The following CCM2 variants were observed in gnomAD, a reference collection of about 807,000 sequenced individuals.
CCM2 encodes the protein CCM2 scaffold protein.
In CCM2, 25 loss-of-function variants were observed where a neutral mutation model predicts 44.9. The observed-to-expected ratio is 0.56, with a 90% CI of 0.41 to 0.78. CCM2 has a LOEUF of 0.78. Ranked by LOEUF, CCM2 falls within the 30% of genes least tolerant of loss-of-function variation. The pLI is 0.00. For missense variants in CCM2, 481 were observed against 580.6 expected (o/e 0.83, Z 1.76); for synonymous variants, 219 against 241.1 (o/e 0.91, Z 0.85).
At chr7:45,068,706 A>G (rs945166100) in intron 5 of CCM2, 127 bp downstream of exon 5, 4 of 1,226,038 alleles carry the variant, frequency 3.3e-6, no homozygotes, top group Non-Finnish European at 3.5e-6. Context: ...TTCCTCTGCC[A>G]TTGCCTGTCC....
intron 2 of CCM2, among the ~76,000 whole-genome samples, chr7:45,051,929 T>C (rs1024747690): frequency 6.6e-6 from 1 of 152,192 alleles, no homozygotes; most frequent in Non-Finnish European, 1.5e-5. Context: ...ATGGTCTTGA[T>C]CTCCTGACCT....
chr7:45,023,787 G>GTTTTTT (rs10596429), intron 1 of CCM2, among the ~76,000 whole-genome samples: 31 of 58,634 alleles, frequency 5.3e-4, no homozygotes, highest in Non-Finnish European at 6.5e-4. Flanking sequence ...CTCTGTATCA[G>GTTTTTT]TTTTTTTTTT....
intron 1 of CCM2, among the ~76,000 whole-genome samples, chr7:45,020,254 C>G (rs1202732136): frequency 1.3e-5 from 2 of 152,096 alleles, no homozygotes; most frequent in Non-Finnish European, 2.9e-5. Flanking sequence ...TCTCCAGTGT[C>G]TTTAGAAGAT....
intron 1 of CCM2, among the ~76,000 whole-genome samples, chr7:45,028,900 A>C (rs931819746): frequency 2.6e-5 from 4 of 152,200 alleles, no homozygotes; most frequent in Admixed American, 6.5e-5. Context: ...GTTCTTTGTC[A>C]TGGAGCTTGT....
At chr7:45,036,810 T>C (rs1797239959) in intron 1 of CCM2, among the ~76,000 whole-genome samples, 1 of 152,086 alleles carries the variant, frequency 6.6e-6, no homozygotes, top group Non-Finnish European at 1.5e-5. Context: ...TTATTGTATA[T>C]ATGTTTTGTT....
rs71565940 is a variant in CCM2, at chr7:45,042,265, C to CAAAAA, written c.204+3845_204+3849dup. Among the ~76,000 whole-genome samples the CAAAAA allele has an allele frequency of 7.8e-5, 8 of 102,412 alleles. 1 individual carries two copies. Among genetic ancestry groups the CAAAAA allele is most frequent in the Non-Finnish European group, 7.1e-5 (4 of 56,144 alleles). 67.2% of individuals were successfully genotyped at this position (102,412 alleles called of 152,430 possible). A position where few individuals can be genotyped will look rare whatever the true frequency, so the allele number is the denominator to read the frequency against. ...TGGGTAACAGAGCGAGATTCCATCT[C>CAAAAA]AAAAAAAAAAGGTGCCGTTCCCTTC... is the stretch of plus-strand genomic sequence containing the variant. On this transcript the variant is annotated intron_variant, in intron 2 of 9. Transcript: ENST00000258781.
chr7:45,033,044 C>CAAAAAAAAAA (rs60956411), intron 1 of CCM2, among the ~76,000 whole-genome samples: 1 of 58,082 alleles, frequency 1.7e-5, no homozygotes, highest in African/African-American at 6.9e-5. Context: ...AACTCCGTCT[C>CAAAAAAAAAA]AAAAAAAAAA....
chr7:45,008,752 C>G (rs1011317679), intron 1 of CCM2, among the ~76,000 whole-genome samples: 1 of 152,158 alleles, frequency 6.6e-6, no homozygotes, highest in Admixed American at 6.5e-5. Context: ...TGAAAATGCC[C>G]TAGATATGAT....
chr7:45,050,505 A>G (rs1189293309), intron 2 of CCM2, among the ~76,000 whole-genome samples: 11 of 152,234 alleles, frequency 7.2e-5, no homozygotes, highest in Admixed American at 5.9e-4. Flanking sequence ...GGACAACTGT[A>G]CCTGTTTCTC....
At chr7:45,016,804 T>G (rs897620254) in intron 1 of CCM2, among the ~76,000 whole-genome samples, 2 of 152,194 alleles carry the variant, frequency 1.3e-5, no homozygotes, top group African/African-American at 4.8e-5. Flanking sequence ...GGCTAATTTT[T>G]GTATTTTTGG....
intron 1 of CCM2, among the ~76,000 whole-genome samples, chr7:45,010,780 T>C (rs1796035744): frequency 6.6e-6 from 1 of 152,038 alleles, no homozygotes. Flanking sequence ...GTATTTTTAG[T>C]AGAGATGGGG....
chr7:45,056,969 C>T (rs571310209), intron 2 of CCM2, among the ~76,000 whole-genome samples: 46 of 152,236 alleles, frequency 3.0e-4, no homozygotes, highest in African/African-American at 1.0e-3. Flanking sequence ...ATATTTGACC[C>T]ATTTTGAGTT....
rs543336519 is a variant in CCM2 at position 45,046,890 on chromosome 7, A to G, written c.204+8464A>G. ...TCAAAACTCAACAGTAAAACAAACA[A>G]TCCGATTAAGACATAAGCAAAAGAC... On this transcript the variant is annotated intron_variant, in intron 2 of 9. Coordinates refer to ENST00000258781, the MANE Select transcript of CCM2 (RefSeq NM_031443.4). Among the ~76,000 whole-genome samples, 11 of 152,324 alleles carry G rather than the reference A, an allele frequency of 7.2e-5. No homozygotes were observed. In the East Asian group the frequency reaches 1.9e-3, roughly 27 times the overall value.
intron 1 of CCM2, among the ~76,000 whole-genome samples, chr7:45,005,882 C>A (rs1309250248): frequency 6.6e-6 from 1 of 152,206 alleles, no homozygotes; most frequent in Non-Finnish European, 1.5e-5. Context: ...GGAGAGGACC[C>A]CCCAGTCCTG....
At chr7:45,043,945 C>T (rs1178602475) in intron 2 of CCM2, among the ~76,000 whole-genome samples, 1 of 152,088 alleles carries the variant, frequency 6.6e-6, no homozygotes, top group Non-Finnish European at 1.5e-5. Context: ...CAGTGCCCTC[C>T]TACATGCCCT....
intron 2 of CCM2, among the ~76,000 whole-genome samples, chr7:45,061,456 C>CTTTTTTTTTTT (rs57140747): frequency 2.5e-5 from 3 of 122,284 alleles, no homozygotes; most frequent in Non-Finnish European, 5.1e-5. Flanking sequence ...TTCTTTCTTT[C>CTTTTTTTTTTT]TTTTTTTTTT....
chr7:45,053,846 C>T (rs570378341), intron 2 of CCM2, among the ~76,000 whole-genome samples: 5 of 152,208 alleles, frequency 3.3e-5, no homozygotes, highest in African/African-American at 7.2e-5. Flanking sequence ...TTTTGTATGT[C>T]GATTATAGTA....
At chr7:45,009,227 G>A (rs1320232846) in intron 1 of CCM2, among the ~76,000 whole-genome samples, 9 of 149,656 alleles carry the variant, frequency 6.0e-5, no homozygotes, top group Non-Finnish European at 1.3e-4. Context: ...CTTGAACCCG[G>A]GAGGCAGAGG....
At chr7:45,018,838 C>T (rs1371435627) in intron 1 of CCM2, among the ~76,000 whole-genome samples, 2 of 151,662 alleles carry the variant, frequency 1.3e-5, no homozygotes, top group East Asian at 3.9e-4. Context: ...CAGCTTACTG[C>T]AACCTCTGCC....
Sources: gnomAD v4.1 joint callset for allele counts (sites outside exome capture counted in the v4.1 genomes callset) on GRCh38, gnomAD v4.1.1 for gene constraint, MANE v1.5 for transcripts, NCBI Gene and HGNC (gene_info 2026-07-23, HGNC 2026-07-21) for gene names.